The following NXPE2 variants were observed in gnomAD, a reference collection of about 807,000 sequenced individuals.
NXPE2 encodes NXPE family member 2.
NXPE2 carries 34 observed loss-of-function variants against 34.4 expected under a neutral mutation model. That is an observed-to-expected ratio of 0.99 (90% CI 0.75 to 1.31). The LOEUF is 1.31. NXPE2 is among the 40% of genes most tolerant of loss of function. NXPE2 has a pLI of 0.00. For synonymous variants in NXPE2, 235 were observed against 231.3 expected, an observed-to-expected ratio of 1.02 and a Z score of -0.15; for missense variants, 649 against 672.5, an observed-to-expected ratio of 0.97 and a Z score of 0.39.
chr11:114,663,271 C>T, the NXPE2 span, among the ~76,000 whole-genome samples: 1 of 152,116 alleles, frequency 6.6e-6, no homozygotes, highest in South Asian at 2.1e-4. Context: ...CCAACTCAGC[C>T]GCAGTACAGT....
the NXPE2 span, among the ~76,000 whole-genome samples, chr11:114,607,647 A>G: frequency 6.6e-6 from 1 of 150,830 alleles, no homozygotes; most frequent in East Asian, 2.0e-4. Context: ...CTCGCGGTTA[A>G]CCACTCTTAC....
the NXPE2 span, among the ~76,000 whole-genome samples, chr11:114,725,363 T>C: frequency 6.6e-6 from 1 of 152,116 alleles, no homozygotes; most frequent in African/African-American, 2.4e-5. Flanking sequence ...TTTGACCTAG[T>C]TAAAGCTTCC....
At chr11:114,701,745 A>G (rs1466337646) in intron 3 of NXPE2, among the ~76,000 whole-genome samples, 1 of 152,194 alleles carries the variant, frequency 6.6e-6, no homozygotes, top group Admixed American at 6.5e-5. Context: ...TTTCATTTGT[A>G]ACATAGTACC....
the NXPE2 span, among the ~76,000 whole-genome samples, chr11:114,466,567 T>C: frequency 7.2e-5 from 11 of 152,140 alleles, no homozygotes; most frequent in Non-Finnish European, 1.3e-4. Flanking sequence ...TATATATATA[T>C]ATTGTCCAAT....
chr11:114,554,014 T>C, the NXPE2 span: 96 of 985,356 alleles, frequency 9.7e-5, no homozygotes, highest in Non-Finnish European at 1.1e-4. Context: ...TGTTTTTTCT[T>C]CTTCCAAATG....
At chr11:114,669,382 A>C in the NXPE2 span, among the ~76,000 whole-genome samples, 6 of 152,030 alleles carry the variant, frequency 3.9e-5, no homozygotes, top group Non-Finnish European at 8.8e-5. Flanking sequence ...GGCAGGTGCA[A>C]TCAAGAAGAC....
the NXPE2 span, among the ~76,000 whole-genome samples, chr11:114,662,778 T>A: frequency 6.6e-6 from 1 of 152,130 alleles, no homozygotes; most frequent in South Asian, 2.1e-4. Context: ...CCGAGTGACA[T>A]TTCTGGATGC....
the NXPE2 span, among the ~76,000 whole-genome samples, chr11:114,540,370 G>A: frequency 2.6e-5 from 4 of 152,108 alleles, no homozygotes; most frequent in East Asian, 7.7e-4. Context: ...AACATGATTA[G>A]ATTTCAAAAA....
the NXPE2 span, among the ~76,000 whole-genome samples, chr11:114,541,480 A>G: frequency 6.6e-6 from 1 of 152,236 alleles, no homozygotes; most frequent in African/African-American, 2.4e-5. Flanking sequence ...ATATTTGAAT[A>G]GATTTATTCT....
chr11:114,682,079 C>T (rs1397640281), intron 2 of NXPE2, among the ~76,000 whole-genome samples: 3 of 152,098 alleles, frequency 2.0e-5, no homozygotes, highest in African/African-American at 4.8e-5. Flanking sequence ...AGAGAGGAGA[C>T]TTAATTTTCC....
downstream of NXPE2, among the ~76,000 whole-genome samples, chr11:114,707,143 G>C (rs1362658194): frequency 6.6e-6 from 1 of 152,148 alleles, no homozygotes; most frequent in Non-Finnish European, 1.5e-5. Flanking sequence ...CCAGACTGGA[G>C]TGCAGTGATG....
At chr11:114,614,725 C>A in the NXPE2 span, among the ~76,000 whole-genome samples, 1 of 151,062 alleles carries the variant, frequency 6.6e-6, no homozygotes, top group African/African-American at 2.4e-5. Context: ...TAAGTGTTGC[C>A]TCCTGCGTAA....
At chr11:114,619,136 A>G in the NXPE2 span, among the ~76,000 whole-genome samples, 1 of 152,092 alleles carries the variant, frequency 6.6e-6, no homozygotes, top group African/African-American at 2.4e-5. Context: ...GTGGGTAACC[A>G]CTGTTACCCA....
At chr11:114,809,574 A>T in the NXPE2 span, among the ~76,000 whole-genome samples, 2 of 66,932 alleles carry the variant, frequency 3.0e-5, no homozygotes, top group Non-Finnish European at 6.5e-5. Context: ...AAATCATGAG[A>T]GAACTCCCAT....
the NXPE2 span, chr11:114,528,919 A>C: frequency 3.7e-6 from 2 of 533,858 alleles, no homozygotes; most frequent in Non-Finnish European, 3.5e-6. Context: ...ATTTGATGAG[A>C]TGTACCATCA....
At chr11:114,625,196 C>A in the NXPE2 span, among the ~76,000 whole-genome samples, 1 of 152,110 alleles carries the variant, frequency 6.6e-6, no homozygotes, top group Admixed American at 6.5e-5. Flanking sequence ...TACGTGTGGC[C>A]TTGTGGGTAA....
At chr11:114,525,100 G>A in the NXPE2 span, among the ~76,000 whole-genome samples, 1 of 151,894 alleles carries the variant, frequency 6.6e-6, no homozygotes, top group Non-Finnish European at 1.5e-5. Context: ...CCCTAGATCT[G>A]GGGGTAATGG....
At chr11:114,709,192 C>A (rs534190662), downstream of NXPE2, among the ~76,000 whole-genome samples, 1 of 152,324 alleles carries the variant, frequency 6.6e-6, no homozygotes, top group South Asian at 2.1e-4. Flanking sequence ...TGTTCAATAG[C>A]CACATGGAGC....
At chr11:114,797,908 G>T in the NXPE2 span, among the ~76,000 whole-genome samples, 1 of 152,116 alleles carries the variant, frequency 6.6e-6, no homozygotes, top group Admixed American at 6.5e-5. Flanking sequence ...TAAAGTAATT[G>T]CTTCTGGGCC....
Sources: allele counts gnomAD v4.1 joint callset (sites outside exome capture counted in the v4.1 genomes callset), GRCh38; gene constraint gnomAD v4.1.1; transcripts MANE v1.5; gene names NCBI Gene and HGNC (gene_info 2026-07-23, HGNC 2026-07-21).